Variants in HS3ST4 observed in about 807,000 individuals in gnomAD.
HS3ST4 encodes heparan sulfate glucosamine 3-O-sulfotransferase 4.
Under a neutral mutation model 29.2 loss-of-function variants are expected in HS3ST4, and 17 were observed. The ratio of observed to expected loss-of-function variants is 0.58; its 90% CI spans 0.40 to 0.87. The LOEUF (loss-of-function observed/expected upper bound fraction) is 0.87. Among genes scored for constraint, HS3ST4 ranks in the 40% least tolerant of loss-of-function variants. HS3ST4 has a pLI of 0.00. For synonymous variants in HS3ST4, 314 were observed against 285.7 expected, an observed-to-expected ratio of 1.10 and a Z score of -1.00; for missense variants, 627 against 634.5, an observed-to-expected ratio of 0.99 and a Z score of 0.13.
intron 1 of HS3ST4, among the ~76,000 whole-genome samples, chr16:25,992,347 A>C (rs1329327703): frequency 6.6e-6 from 1 of 152,242 alleles, no homozygotes; most frequent in Non-Finnish European, 1.5e-5. Flanking sequence ...AAGCTGAGAC[A>C]TGGATGATGT....
chr16:25,717,507 AGG>A (rs34766485), intron 1 of HS3ST4, among the ~76,000 whole-genome samples: 3 of 112,578 alleles, frequency 2.7e-5, no homozygotes, highest in African/African-American at 1.0e-4. Context: ...TAGAAGGTGA[AGG>A]GGTGTGTGTG....
chr16:26,067,428 G>A lies in HS3ST4; in HGVS notation c.735-68184G>A, dbSNP rs1276989766. ...TGACCAAATTAGTGAAAACAATTTG[G>A]TGTCAAAGATATTTGGGTGTAACTT... On this transcript the variant is annotated intron_variant, in intron 1 of 1. Coordinates refer to ENST00000331351, the MANE Select transcript of HS3ST4 (RefSeq NM_006040.3). Among the ~76,000 whole-genome samples the A allele has an allele frequency of 5.9e-5, 9 of 152,194 alleles. No individual in the cohort carries two copies. In the South Asian group the frequency reaches 1.7e-3, roughly 28 times the overall value.
chr16:25,931,894 C>T (rs1336974621), intron 1 of HS3ST4, among the ~76,000 whole-genome samples: 1 of 152,060 alleles, frequency 6.6e-6, no homozygotes, highest in East Asian at 2.0e-4. Context: ...TGGCAGAGGG[C>T]CGCCTCACTG....
chr16:26,034,124 C>T (rs1181220106), intron 1 of HS3ST4, among the ~76,000 whole-genome samples: 1 of 152,118 alleles, frequency 6.6e-6, no homozygotes, highest in African/African-American at 2.4e-5. Context: ...CAGGATCTTC[C>T]TGGAGTCTCT....
At chr16:25,865,084 A>C (rs7359341) in intron 1 of HS3ST4, among the ~76,000 whole-genome samples, 1 of 151,922 alleles carries the variant, frequency 6.6e-6, no homozygotes, top group Non-Finnish European at 1.5e-5. Flanking sequence ...TATCTTGGCT[A>C]TTGGAACAAT....
chr16:25,803,656 G>T (rs1159054766), intron 1 of HS3ST4, among the ~76,000 whole-genome samples: 4 of 152,096 alleles, frequency 2.6e-5, no homozygotes, highest in Non-Finnish European at 5.9e-5. Context: ...TTGTGTCAGA[G>T]AATTTTTTTC....
intron 1 of HS3ST4, among the ~76,000 whole-genome samples, chr16:25,996,374 A>G (rs1969159318): frequency 6.6e-6 from 1 of 152,208 alleles, no homozygotes; most frequent in Non-Finnish European, 1.5e-5. Flanking sequence ...AGACAAATGC[A>G]TATAATTTTA....
At chr16:26,092,781 C>T (rs11074750) in intron 1 of HS3ST4, among the ~76,000 whole-genome samples, 82,088 of 151,894 alleles carry the variant, frequency 0.54, 22,926 homozygotes, top group African/African-American at 0.67. Flanking sequence ...TGAAGCAGGG[C>T]GGGGCATTGC....
chr16:25,780,124 T>C (rs1236816139), intron 1 of HS3ST4, among the ~76,000 whole-genome samples: 2 of 152,190 alleles, frequency 1.3e-5, no homozygotes, highest in Admixed American at 1.3e-4. Context: ...AATGAGTTCC[T>C]CAGTGAGAGC....
intron 1 of HS3ST4, among the ~76,000 whole-genome samples, chr16:25,769,497 T>C (rs996231862): frequency 2.0e-5 from 3 of 152,206 alleles, no homozygotes; most frequent in African/African-American, 7.2e-5. Flanking sequence ...GTTGTTTGCC[T>C]GTCACAATAG....
At chr16:25,854,356 G>C (rs1172872498) in intron 1 of HS3ST4, among the ~76,000 whole-genome samples, 1 of 152,138 alleles carries the variant, frequency 6.6e-6, no homozygotes, top group East Asian at 1.9e-4. Flanking sequence ...TCGTGCCAGT[G>C]GGAGTGACTT....
intron 1 of HS3ST4, among the ~76,000 whole-genome samples, chr16:25,799,933 C>G (rs1456747030): frequency 6.6e-6 from 1 of 152,088 alleles, no homozygotes; most frequent in East Asian, 1.9e-4. Context: ...ATAGCACAGC[C>G]TTGAACCTCT....
intron 1 of HS3ST4, among the ~76,000 whole-genome samples, chr16:25,996,090 G>C (rs988798036): frequency 6.6e-6 from 1 of 151,930 alleles, no homozygotes; most frequent in Non-Finnish European, 1.5e-5. Flanking sequence ...TCTTTCCTTG[G>C]CTTAGAACTA....
At chr16:25,746,508 G>A (rs907293952) in intron 1 of HS3ST4, among the ~76,000 whole-genome samples, 7 of 151,398 alleles carry the variant, frequency 4.6e-5, no homozygotes, top group Non-Finnish European at 7.4e-5. Flanking sequence ...GAAAGAAGGC[G>A]ATAAAACTTT....
chr16:25,942,133 A>G (rs1250818539), intron 1 of HS3ST4, among the ~76,000 whole-genome samples: 1 of 152,206 alleles, frequency 6.6e-6, no homozygotes, highest in African/African-American at 2.4e-5. Flanking sequence ...GCAGCAAGAC[A>G]TAGATAGTGG....
At chr16:25,975,913 A>G (rs920431539) in intron 1 of HS3ST4, among the ~76,000 whole-genome samples, 1 of 152,202 alleles carries the variant, frequency 6.6e-6, no homozygotes, top group Non-Finnish European at 1.5e-5. Context: ...CCCTGTTCCC[A>G]TTTATTAATA....
chr16:25,844,829 A>G (rs1048313341), intron 1 of HS3ST4, among the ~76,000 whole-genome samples: 15 of 152,248 alleles, frequency 9.9e-5, no homozygotes, highest in Non-Finnish European at 1.5e-5. Flanking sequence ...AAACTGGATA[A>G]AGAAAATGTA....
At chr16:25,918,343 G>A (rs928255707) in intron 1 of HS3ST4, among the ~76,000 whole-genome samples, 15 of 152,132 alleles carry the variant, frequency 9.9e-5, no homozygotes, top group African/African-American at 3.6e-4. Context: ...ATTCACTCAA[G>A]CAATATTGAT....
chr16:25,976,432 A>G (rs1968943914), intron 1 of HS3ST4, among the ~76,000 whole-genome samples: 1 of 152,142 alleles, frequency 6.6e-6, no homozygotes, highest in East Asian at 1.9e-4. Context: ...CTGCTTCCCT[A>G]GTAGCTGGGA....
Sources: gnomAD v4.1 joint callset for allele counts (sites outside exome capture counted in the v4.1 genomes callset) on GRCh38, gnomAD v4.1.1 for gene constraint, MANE v1.5 for transcripts, NCBI Gene and HGNC (gene_info 2026-07-23, HGNC 2026-07-21) for gene names.